Variants in CSNK1G1 observed in about 807,000 individuals in gnomAD.
CSNK1G1 encodes casein kinase 1 gamma 1.
In CSNK1G1, 22 loss-of-function variants were observed where a neutral mutation model predicts 59.6. The observed-to-expected ratio is 0.37, with a 90% CI of 0.26 to 0.53. The LOEUF (loss-of-function observed/expected upper bound fraction) is 0.53. Ranked by LOEUF, CSNK1G1 falls within the 20% of genes least tolerant of loss-of-function variation. The probability of loss-of-function intolerance (pLI) is 0.89; values close to 1 mark genes in which losing one functional copy is unlikely to be tolerated. For synonymous variants in CSNK1G1, 179 were observed against 177.1 expected, an observed-to-expected ratio of 1.01 and a Z score of -0.08; for missense variants, 384 against 519.5, an observed-to-expected ratio of 0.74 and a Z score of 2.54.
At chr15:64,337,743 CT>C (rs1897465329) in intron 1 of CSNK1G1, among the ~76,000 whole-genome samples, 1 of 152,154 alleles carries the variant, frequency 6.6e-6, no homozygotes, top group Non-Finnish European at 1.5e-5. Flanking sequence ...TCTCCAGTAT[CT>C]ATACCCAAAA....
At chr15:64,248,067 CTT>C (rs994010418) in intron 4 of CSNK1G1, among the ~76,000 whole-genome samples, 3 of 152,184 alleles carry the variant, frequency 2.0e-5, no homozygotes, top group Non-Finnish European at 4.4e-5. Context: ...TTACTGTGGT[CTT>C]TGTGTGGCTT....
At chr15:64,208,890 T>C (rs1332414557) in intron 6 of CSNK1G1, among the ~76,000 whole-genome samples, 4 of 138,612 alleles carry the variant, frequency 2.9e-5, no homozygotes, top group Non-Finnish European at 6.3e-5. Context: ...TTCTTTTTTC[T>C]TTTTTTTTTT....
chr15:64,197,190 C>T (rs982014830), intron 10 of CSNK1G1, among the ~76,000 whole-genome samples: 6 of 152,228 alleles, frequency 3.9e-5, no homozygotes, highest in African/African-American at 9.7e-5. Flanking sequence ...TAAGATAAAA[C>T]CAAGGTCTGA....
intron 3 of CSNK1G1, among the ~76,000 whole-genome samples, chr15:64,258,560 G>C (rs187015057): frequency 3.3e-5 from 5 of 151,962 alleles, no homozygotes; most frequent in Non-Finnish European, 2.9e-5. Flanking sequence ...CTAGTCATAC[G>C]AAACATTTCA....
At chr15:64,181,353 C>A (rs1394808083) in intron 10 of CSNK1G1, 1 of 1,535,940 alleles carries the variant, frequency 6.5e-7, no homozygotes, top group Non-Finnish European at 8.7e-7. Flanking sequence ...GCACATTATT[C>A]CTGTTTATGT....
intron 10 of CSNK1G1, among the ~76,000 whole-genome samples, chr15:64,195,664 C>A (rs8031895): frequency 0.21 from 32,638 of 152,096 alleles, 5,229 homozygotes; most frequent in African/African-American, 0.46. Context: ...ATGCAAAGGA[C>A]GTTTTGCCAG....
chr15:64,190,814 A>G (rs2081960580), intron 10 of CSNK1G1, among the ~76,000 whole-genome samples: 4 of 152,236 alleles, frequency 2.6e-5, no homozygotes. Context: ...TTGTAATATT[A>G]GAAGTAATAT....
At chr15:64,182,315 C>T (rs1213386466) in intron 10 of CSNK1G1, among the ~76,000 whole-genome samples, 1 of 152,076 alleles carries the variant, frequency 6.6e-6, no homozygotes, top group African/African-American at 2.4e-5. Context: ...TCAGGTTGTC[C>T]ACCTGCCTTG....
chr15:64,285,595 T>C (rs1184583498), intron 2 of CSNK1G1, among the ~76,000 whole-genome samples: 1 of 152,214 alleles, frequency 6.6e-6, no homozygotes, highest in Non-Finnish European at 1.5e-5. Context: ...TGTTAACTTC[T>C]AGTTTCACAG....
At chr15:64,181,543 T>C (rs1179217246) in intron 10 of CSNK1G1, 11 of 999,346 alleles carry the variant, frequency 1.1e-5, no homozygotes, top group African/African-American at 1.6e-5. Flanking sequence ...GAGAGAATTA[T>C]ACAAGAAAAT....
chr15:64,337,444 G>A (rs1481657263), intron 1 of CSNK1G1, among the ~76,000 whole-genome samples: 1 of 152,092 alleles, frequency 6.6e-6, no homozygotes, highest in African/African-American at 2.4e-5. Context: ...GAACTCCTGG[G>A]TTCAAGCTAT....
intron 2 of CSNK1G1, among the ~76,000 whole-genome samples, chr15:64,268,840 T>G (rs538551284): frequency 2.6e-4 from 40 of 152,272 alleles, no homozygotes; most frequent in Non-Finnish European, 4.0e-4. Flanking sequence ...ATAAGTGGGT[T>G]GGAAAAATGC....
chr15:64,176,557 G>A lies in CSNK1G1; in HGVS notation c.1214+3791C>T, dbSNP rs540738964. 2.0e-5 allele frequency among the ~76,000 whole-genome samples: 3 copies of A among 152,180 alleles called. No individual in the cohort carries two copies. The highest frequency in any genetic ancestry group is 7.2e-5 in the African/African-American group (3 of 41,436). On this transcript the variant is annotated intron_variant, in intron 11 of 11. Coordinates refer to ENST00000303052, the MANE Select transcript of CSNK1G1 (RefSeq NM_022048.5). This position sits in a 1 kb window ranked among gnomAD's most constrained non-coding sequence, Gnocchi z 5.2. ...AAGGCAAAACAGAAAGAGTTGGTAG[G>A]AGCTCCAGGGTGGGCTTTCCTGGGC...
intron 2 of CSNK1G1, among the ~76,000 whole-genome samples, chr15:64,277,808 AT>A (rs1308147225): frequency 5.9e-5 from 8 of 134,518 alleles, no homozygotes; most frequent in East Asian, 4.1e-4. Context: ...TATTTAATAT[AT>A]TAATATTGAT....
At chr15:64,238,518 A>AAAATATATATATATATAT (rs1555396879) in intron 4 of CSNK1G1, among the ~76,000 whole-genome samples, 1 of 49,246 alleles carries the variant, frequency 2.0e-5, no homozygotes, top group African/African-American at 1.2e-4. Flanking sequence ...AAAAAAAAAA[A>AAAATATATATATATATAT]ATATATATAT....
At position 64,199,269 on chromosome 15, in the gene CSNK1G1, A is replaced by G. The variant is rs1447413771; in HGVS notation, c.1107+3813T>C. 8.4e-4 allele frequency among the ~76,000 whole-genome samples: 120 copies of G among 143,286 alleles called. 1 individual carries two copies. The highest frequency in any genetic ancestry group is 3.6e-3 in the Middle Eastern group (1 of 278). The allele number at this position is 143,286 out of a possible 152,430, so 94.0% of individuals were successfully genotyped here. A position where few individuals can be genotyped will look rare whatever the true frequency, so the allele number is the denominator to read the frequency against. On this transcript the variant is annotated intron_variant, in intron 10 of 11. Coordinates refer to ENST00000303052, the MANE Select transcript of CSNK1G1 (RefSeq NM_022048.5). ...TTTTCTCAAAAAAAAAAAAAAAAAA[A>G]AAAGAAAAAGAAAAGAAAAAGAGAA...
In CSNK1G1 at chr15:64,166,830, C is replaced by T. The variant is rs2081608334; in HGVS notation, c.*5101G>A. On this transcript the variant is annotated 3_prime_UTR_variant, in exon 12 of 12. Coordinates refer to ENST00000303052, the MANE Select transcript of CSNK1G1 (RefSeq NM_022048.5). The surrounding 1 kb of genome is among the most constrained non-coding windows in gnomAD (Gnocchi z 4.5). Reference sequence around the variant, plus strand: ...GGCTGCACCACACCCCCACTTATTACCATGAATAATCCTCTGCTCTGAGAC... The same window carrying T: ...GGCTGCACCACACCCCCACTTATTATCATGAATAATCCTCTGCTCTGAGAC... 6.6e-6 allele frequency: 1 copy of T among 152,602 alleles called. No individual in the cohort carries two copies. The highest frequency in any genetic ancestry group is 6.5e-5 in the Admixed American group (1 of 15,284). 9.5% of individuals were successfully genotyped at this position (152,602 alleles called of 1,614,324 possible).
At chr15:64,254,456 A>T (rs1444410333) in intron 3 of CSNK1G1, among the ~76,000 whole-genome samples, 1 of 150,164 alleles carries the variant, frequency 6.7e-6, no homozygotes, top group Non-Finnish European at 1.5e-5. Flanking sequence ...TGGTTCAGCG[A>T]TTTTCCTGCC....
At chr15:64,348,323 C>A (rs1032410053) in intron 1 of CSNK1G1, 1 of 152,086 alleles carries the variant, frequency 6.6e-6, no homozygotes, top group South Asian at 2.1e-4. Context: ...CTATAGTTAA[C>A]AATAATGTAT....
Sources: allele counts gnomAD v4.1 joint callset (sites outside exome capture counted in the v4.1 genomes callset), GRCh38; gene constraint gnomAD v4.1.1; non-coding constraint Gnocchi (gnomAD v3.1); transcripts MANE v1.5; gene names NCBI Gene and HGNC (gene_info 2026-07-23, HGNC 2026-07-21).